TUT4: variants seen among roughly 807,000 people sequenced by gnomAD.
TUT4 encodes the protein terminal uridylyl transferase 4.
TUT4 carries 36 observed loss-of-function variants against 192.2 expected under a neutral mutation model. That is an observed-to-expected ratio of 0.19 (90% confidence interval 0.14 to 0.25). TUT4 has a LOEUF of 0.25. Ranked by LOEUF, TUT4 falls within the 10% of genes least tolerant of loss-of-function variation. TUT4 has a pLI of 1.00. For synonymous variants in TUT4, 618 were observed against 666.0 expected (o/e 0.93, Z 1.11); for missense variants, 1,493 against 1,957.2 (o/e 0.76, Z 4.47).
chr1:52,426,170 G>C (rs1374776558), intron 28 of TUT4, among the ~76,000 whole-genome samples: 1 of 152,144 alleles, frequency 6.6e-6, no homozygotes, highest in Non-Finnish European at 1.5e-5. Context: ...TAATGGTTGA[G>C]AACTTGGGCT....
intron 26 of TUT4, among the ~76,000 whole-genome samples, chr1:52,436,486 C>CA (rs1218183425): frequency 6.6e-6 from 1 of 151,412 alleles, no homozygotes; most frequent in African/African-American, 2.4e-5. Context: ...GACTCCATCT[C>CA]AAAAAAATAA....
rs760983687 is a variant in TUT4, at chr1:52,525,905, C to A, written c.376G>T (p.Ala126Ser). ...AKSEKATSLQ[A>S]KAEKSPKSPN... ...GACTTTGGTGATTTTTCTGCTTTTGCCTGTAAACTGGTTGCCTTTTCTGAT... is the reference window on the plus strand; with the variant it reads ...GACTTTGGTGATTTTTCTGCTTTTGACTGTAAACTGGTTGCCTTTTCTGAT... Residue 126 changes from alanine (A) to serine (S), a missense_variant, in exon 2 of 30, where the codon GCA becomes TCA. This residue lies in a region of TUT4 where 260 missense variants were observed against 247.8 expected (regional missense o/e 1.05). Transcript: ENST00000257177. The A allele has an allele frequency of 1.2e-6, 2 of 1,614,074 alleles. No homozygotes were observed. The highest frequency in any genetic ancestry group is 1.1e-5 in the South Asian group (1 of 91,074).
At chr1:52,510,183 AG>A (rs1454893641) in intron 3 of TUT4, among the ~76,000 whole-genome samples, 3 of 151,986 alleles carry the variant, frequency 2.0e-5, no homozygotes, top group African/African-American at 7.2e-5. Flanking sequence ...ATGGTGGCGC[AG>A]GCTTGTAATC....
intron 4 of TUT4, among the ~76,000 whole-genome samples, chr1:52,509,227 T>A (rs774273750): frequency 5.3e-5 from 8 of 152,210 alleles, no homozygotes; most frequent in Non-Finnish European, 8.8e-5. Flanking sequence ...TCATTATATT[T>A]AAATCTTTAT....
chr1:52,523,023 C>A (rs113436174), intron 2 of TUT4, among the ~76,000 whole-genome samples: 1 of 110,922 alleles, frequency 9.0e-6, no homozygotes, highest in Non-Finnish European at 1.7e-5. Context: ...GACAGACTCT[C>A]GCTCTGTCAT....
intron 9 of TUT4, among the ~76,000 whole-genome samples, chr1:52,484,765 A>G (rs1162452565): frequency 6.6e-6 from 1 of 152,156 alleles, no homozygotes; most frequent in Non-Finnish European, 1.5e-5. Context: ...TGATTAAAGC[A>G]GTTTTACAGC....
chr1:52,439,245 A>C (rs1245133667), intron 24 of TUT4, among the ~76,000 whole-genome samples: 7 of 152,128 alleles, frequency 4.6e-5, no homozygotes, highest in Non-Finnish European at 1.0e-4. Context: ...ACTAAAAATA[A>C]ATAAATTAAC....
intron 13 of TUT4, among the ~76,000 whole-genome samples, chr1:52,473,620 AT>A (rs1557764592): frequency 6.6e-6 from 1 of 152,218 alleles, no homozygotes; most frequent in Non-Finnish European, 1.5e-5. Flanking sequence ...ATACTATTTA[AT>A]AATTAGGTTA....
intron 4 of TUT4, among the ~76,000 whole-genome samples, chr1:52,503,930 T>C (rs561473640): frequency 6.6e-6 from 1 of 152,330 alleles, no homozygotes; most frequent in South Asian, 2.1e-4. Flanking sequence ...TCCACAACTA[T>C]GATTTCAACT....
chr1:52,432,984 C>G (rs538272182), intron 27 of TUT4: 1 of 152,224 alleles, frequency 6.6e-6, no homozygotes, highest in African/African-American at 2.4e-5. Flanking sequence ...TAGGAGACTG[C>G]TAAAAGGCTG....
intron 2 of TUT4, among the ~76,000 whole-genome samples, chr1:52,517,135 G>C (rs1678928915): frequency 6.6e-6 from 1 of 152,130 alleles, no homozygotes; most frequent in South Asian, 2.1e-4. Flanking sequence ...AGCACCACTT[G>C]TTTCCATAAG....
At chr1:52,443,407 T>C (rs546751501) in intron 24 of TUT4, among the ~76,000 whole-genome samples, 2 of 150,750 alleles carry the variant, frequency 1.3e-5, no homozygotes, top group South Asian at 4.2e-4. Context: ...ACCAGCATGG[T>C]GAAACCCCGT....
At chr1:52,501,442 G>C (rs1025382862) in intron 4 of TUT4, among the ~76,000 whole-genome samples, 1 of 150,620 alleles carries the variant, frequency 6.6e-6, no homozygotes. Flanking sequence ...TTATGGGGGG[G>C]CGGGGGGAGG....
chr1:52,532,614 C>G (rs11205968), intron 1 of TUT4, among the ~76,000 whole-genome samples: 53,469 of 152,064 alleles, frequency 0.35, 13,054 homozygotes, highest in African/African-American at 0.7. Flanking sequence ...CCCGGCCTTA[C>G]CTATTATCTG....
intron 4 of TUT4, among the ~76,000 whole-genome samples, chr1:52,502,281 A>C (rs1220765408): frequency 6.6e-6 from 1 of 152,096 alleles, no homozygotes; most frequent in African/African-American, 2.4e-5. Context: ...AATATTTTTG[A>C]CAGACATCCA....
chr1:52,505,508 A>G (rs1675290108), intron 4 of TUT4, among the ~76,000 whole-genome samples: 1 of 141,016 alleles, frequency 7.1e-6, no homozygotes, highest in African/African-American at 2.7e-5. Context: ...TGCAACCTCT[A>G]CCTCTGGGAT....
intron 1 of TUT4, among the ~76,000 whole-genome samples, chr1:52,547,058 C>T (rs569131927): frequency 2.6e-5 from 4 of 151,100 alleles, no homozygotes; most frequent in African/African-American, 9.8e-5. Flanking sequence ...GCAGGAGGAT[C>T]GCTTGAGGCC....
At chr1:52,424,832 A>G (rs1223909261) in intron 29 of TUT4, 2 of 152,396 alleles carry the variant, frequency 1.3e-5, no homozygotes, top group African/African-American at 2.4e-5. Flanking sequence ...TCCAAACTCC[A>G]TAATATGGTC....
rs772093180 is a variant in TUT4 at position 52,425,491 on chromosome 1, T to C, written c.4728A>G (p.Gly1576=). The change falls in exon 29 of 30, where the codon GGA becomes GGG. Residue 1576 remains glycine (G), a synonymous_variant. Transcript: ENST00000257177. Reference sequence around the variant, plus strand: ...GTTCCCAAGGAATTGGAGGAGTCAGTCCTCGAAAGCCTGGCTCTGCATTTC... The same window carrying C: ...GTTCCCAAGGAATTGGAGGAGTCAGCCCTCGAAAGCCTGGCTCTGCATTTC... ...AVGNSEPGFR[G]LTPPIPWEHA... is the part of the protein sequence containing the mutation. The C allele has an allele frequency of 6.2e-7, 1 of 1,612,098 alleles. No individual in the cohort carries two copies.
Sources: allele counts gnomAD v4.1 joint callset (sites outside exome capture counted in the v4.1 genomes callset), GRCh38; gene constraint gnomAD v4.1.1; regional missense constraint gnomAD v4.1.1; transcripts MANE v1.5; gene names NCBI Gene and HGNC (gene_info 2026-07-23, HGNC 2026-07-21).